Variants in ABCG1 observed in about 807,000 individuals in gnomAD.
ABCG1 encodes ATP binding cassette subfamily G member 1.
In ABCG1, 29 loss-of-function variants were observed where a neutral mutation model predicts 69.2. The ratio of observed to expected loss-of-function variants is 0.42; its 90% CI spans 0.31 to 0.57. The LOEUF is 0.57. Among genes scored for constraint, ABCG1 ranks in the 20% least tolerant of loss-of-function variants. The pLI is 0.15. For missense variants in ABCG1, 718 were observed against 898.1 expected, an observed-to-expected ratio of 0.80 and a Z score of 2.56; for synonymous variants, 370 against 374.8, an observed-to-expected ratio of 0.99 and a Z score of 0.15.
chr21:42,282,175 A>C (rs2068821863), intron 5 of ABCG1, 99 bp from the exon 6 acceptor site: 1 of 1,515,626 alleles, frequency 6.6e-7, no homozygotes, highest in African/African-American at 1.4e-5. Context: ...CGGTGTGTCC[A>C]GCAGGCTGAG....
intron 13 of ABCG1, among the ~76,000 whole-genome samples, chr21:42,292,781 C>T (rs2069093922): frequency 6.8e-6 from 1 of 146,912 alleles, no homozygotes; most frequent in Non-Finnish European, 1.5e-5. Context: ...CACCACACTA[C>T]ACACCATACA....
chr21:42,223,428 A>T (rs972799996), intron 1 of ABCG1, among the ~76,000 whole-genome samples: 1 of 152,026 alleles, frequency 6.6e-6, no homozygotes, highest in East Asian at 1.9e-4. Context: ...TATTGTAATT[A>T]GTTGGTCTTC....
At chr21:42,220,743 G>T (rs753949118) in intron 1 of ABCG1, among the ~76,000 whole-genome samples, 4 of 152,216 alleles carry the variant, frequency 2.6e-5, no homozygotes, top group Non-Finnish European at 5.9e-5. Flanking sequence ...TGAATCTTTG[G>T]GCAACACTTG....
chr21:42,205,588 ACTC>A, intron 2 of ABCG1, among the ~76,000 whole-genome samples: 1 of 149,610 alleles, frequency 6.7e-6, no homozygotes. Context: ...ACAGAGCAAG[ACTC>A]CATCTCAAAA....
chr21:42,270,528 CAT>C (rs1372375276), intron 2 of ABCG1, among the ~76,000 whole-genome samples: 1 of 151,798 alleles, frequency 6.6e-6, no homozygotes, highest in Admixed American at 6.6e-5. Flanking sequence ...ATTATTTAAT[CAT>C]ATGTTGATTA....
intron 2 of ABCG1, among the ~76,000 whole-genome samples, chr21:42,228,653 C>T (rs2123536345): frequency 6.6e-6 from 1 of 152,364 alleles, no homozygotes; most frequent in African/African-American, 2.4e-5. Flanking sequence ...CCTTGTCTAG[C>T]ACAGGGCCTT....
intron 6 of ABCG1, among the ~76,000 whole-genome samples, chr21:42,284,287 C>G (rs1339585463): frequency 6.7e-6 from 1 of 150,212 alleles, no homozygotes. Context: ...GAGTGGGGAC[C>G]CCCCCCCAGT....
intron 2 of ABCG1, among the ~76,000 whole-genome samples, chr21:42,249,513 T>A (rs1001557223): frequency 6.6e-6 from 1 of 152,210 alleles, no homozygotes; most frequent in African/African-American, 2.4e-5. Context: ...AATATGGACC[T>A]TGCAGGGTTC....
In ABCG1 at chr21:42,219,222, C is replaced by CCCGCCGCCGCCGCCGCCGCCGCCGCCG. The variant is rs2234716; in HGVS notation, c.-35_-9dup. On this transcript the variant is annotated 5_prime_UTR_variant, in exon 1 of 15. Transcript: ENST00000398449. This position sits in a 1 kb window ranked among gnomAD's most constrained non-coding sequence, Gnocchi z 5.3. ...TCGGCCCCGCAGCTCAAGCCTCGTC[C>CCCGCCGCCGCCGCCGCCGCCGCCGCCG]CCGCCGCCGCCGCCGCCGCCGCCGC... is the stretch of plus-strand genomic sequence containing the variant. 6 of 1,358,442 alleles carry CCCGCCGCCGCCGCCGCCGCCGCCGCCG rather than the reference C, an allele frequency of 4.4e-6. No homozygotes were observed. In the African/African-American group the frequency reaches 7.6e-5, roughly 17 times the overall value. The allele number at this position is 1,358,442 out of a possible 1,614,324, so 84.1% of individuals were successfully genotyped here.
intron 2 of ABCG1, among the ~76,000 whole-genome samples, chr21:42,267,941 G>A (rs2068543886): frequency 6.7e-6 from 1 of 149,160 alleles, no homozygotes; most frequent in South Asian, 2.1e-4. Flanking sequence ...TGTGGTCTGG[G>A]TTCTGTCTAA....
intron 2 of ABCG1, among the ~76,000 whole-genome samples, chr21:42,202,768 C>T (rs113359568): frequency 0.033 from 5,012 of 152,168 alleles, 140 homozygotes; most frequent in Middle Eastern, 0.068. Context: ...CCCACCACCA[C>T]GCCTGGCTAA....
chr21:42,238,593 T>A (rs1325145689), intron 2 of ABCG1, among the ~76,000 whole-genome samples: 1 of 152,238 alleles, frequency 6.6e-6, no homozygotes, highest in Non-Finnish European at 1.5e-5. Flanking sequence ...ATCTTTGAAC[T>A]ATTTATATTT....
Position 42,291,781 on chromosome 21 carries a change from G to C in ABCG1, c.1653+125G>C. 1 of 1,169,328 alleles carries C rather than the reference G, an allele frequency of 8.6e-7. No homozygotes were observed. The highest frequency in any genetic ancestry group is 1.2e-6 in the Non-Finnish European group (1 of 861,474). The allele number at this position is 1,169,328 out of a possible 1,614,324, so 72.4% of individuals were successfully genotyped here. A position where few individuals can be genotyped will look rare whatever the true frequency, so the allele number is the denominator to read the frequency against. On this transcript the variant is annotated intron_variant, in intron 13 of 14. Transcript: ENST00000398449. This position sits in a 1 kb window ranked among gnomAD's most constrained non-coding sequence, Gnocchi z 6.4. ...TGCCCTGACCCTCCTAGATGGGGTC[G>C]TTCCCACGGGAAGGGCCCGCATTGT...
At chr21:42,242,901 G>A (rs1017487816) in intron 2 of ABCG1, among the ~76,000 whole-genome samples, 10 of 152,172 alleles carry the variant, frequency 6.6e-5, no homozygotes, top group African/African-American at 2.2e-4. Flanking sequence ...TGAGTGAGCA[G>A]GTTTGGGGCA....
At chr21:42,285,208 T>A (rs1340340227) in intron 7 of ABCG1, among the ~76,000 whole-genome samples, 1 of 152,074 alleles carries the variant, frequency 6.6e-6, no homozygotes, top group Non-Finnish European at 1.5e-5. Context: ...TTATAAATCT[T>A]AGGTTTTGGC....
At chr21:42,248,412 G>A (rs225373) in intron 2 of ABCG1, among the ~76,000 whole-genome samples, 20,613 of 152,102 alleles carry the variant, frequency 0.14, 3,128 homozygotes, top group African/African-American at 0.38. Context: ...AGACTGTGAG[G>A]CACCACCCGT....
At chr21:42,209,530 A>T (rs1275045634) in intron 2 of ABCG1, among the ~76,000 whole-genome samples, 1 of 152,210 alleles carries the variant, frequency 6.6e-6, no homozygotes, top group Admixed American at 6.5e-5. Context: ...GTGAAGAAAA[A>T]GCTAAGGGTT....
At chr21:42,281,349 G>A (rs2068804870) in intron 5 of ABCG1, among the ~76,000 whole-genome samples, 1 of 152,222 alleles carries the variant, frequency 6.6e-6, no homozygotes, top group South Asian at 2.1e-4. Flanking sequence ...GGGTAGGGAG[G>A]CAGGGATGGC....
In ABCG1 at chr21:42,291,849, C is replaced by A. The variant is rs2069068150; in HGVS notation, c.1653+193C>A. Among the ~76,000 whole-genome samples, 1 of 152,214 alleles carries A rather than the reference C, an allele frequency of 6.6e-6. No homozygotes were observed. The highest frequency in any genetic ancestry group is 1.5e-5 in the Non-Finnish European group (1 of 68,016). The stretch of plus-strand genomic sequence containing the variant: ...TGGCTTCCACAGTGCGCACAGCGGG[C>A]AGCCTCACGTGTGCTGACTGCGTGC... On this transcript the variant is annotated intron_variant, in intron 13 of 14. Transcript: ENST00000398449. This position sits in a 1 kb window ranked among gnomAD's most constrained non-coding sequence, Gnocchi z 6.4.
Sources: allele counts gnomAD v4.1 joint callset (sites outside exome capture counted in the v4.1 genomes callset), GRCh38; gene constraint gnomAD v4.1.1; non-coding constraint Gnocchi (gnomAD v3.1); transcripts MANE v1.5; gene names NCBI Gene and HGNC (gene_info 2026-07-23, HGNC 2026-07-21).